The following ANO4 variants were observed in gnomAD, a reference collection of about 807,000 sequenced individuals.
ANO4 encodes anoctamin 4, also known as anoctamin-4.
ANO4 carries 69 observed loss-of-function variants against 141.9 expected under a neutral mutation model. The ratio of observed to expected loss-of-function variants is 0.49; its 90% confidence interval spans 0.40 to 0.59. ANO4 has a LOEUF of 0.59. ANO4 is among the 20% of genes least tolerant of loss of function. The pLI is 0.00. For missense variants in ANO4, 894 were observed against 1,162.2 expected, an observed-to-expected ratio of 0.77 and a Z score of 3.36; for synonymous variants, 350 against 394.3, an observed-to-expected ratio of 0.89 and a Z score of 1.33.
intron 1 of ANO4, among the ~76,000 whole-genome samples, chr12:100,807,464 A>G (rs1190068315): frequency 1.3e-5 from 2 of 152,118 alleles, no homozygotes; most frequent in Admixed American, 6.6e-5. Context: ...ATCTTCCTAC[A>G]TGTTTATTTT....
rs118189672 is a variant in ANO4, at chr12:100,912,257, T to C, written c.56-9969T>C. Among the ~76,000 whole-genome samples, 163 of 151,826 alleles carry C rather than the reference T, an allele frequency of 1.1e-3. 2 individuals are homozygous for C. In the East Asian group the frequency reaches 0.026, roughly 24 times the overall value. The stretch of plus-strand genomic sequence containing the variant: ...TAAAAATACATAAATTAACCAGACA[T>C]TGTAGTGCAGGCTTGTAATCCCAGC... On this transcript the variant is annotated intron_variant, in intron 2 of 27. Coordinates refer to ENST00000392977, the MANE Select transcript of ANO4 (RefSeq NM_001286615.2).
chr12:101,041,534 G>A (rs1213172216), intron 11 of ANO4, among the ~76,000 whole-genome samples: 1 of 152,158 alleles, frequency 6.6e-6, no homozygotes, highest in Non-Finnish European at 1.5e-5. Flanking sequence ...AGATTTTGCG[G>A]TTTTGGTTAG....
chr12:100,776,539 ATC>A (rs1354364515), intron 3 of ANO4, among the ~76,000 whole-genome samples: 1 of 152,192 alleles, frequency 6.6e-6, no homozygotes, highest in East Asian at 1.9e-4. Flanking sequence ...AATTGCTAGA[ATC>A]TGTTGAGATC....
chr12:100,977,974 T>C (rs1401903403), intron 7 of ANO4, among the ~76,000 whole-genome samples: 4 of 152,214 alleles, frequency 2.6e-5, no homozygotes, highest in Non-Finnish European at 1.5e-5. Context: ...GAAGATCCTT[T>C]CCTTTATTGT....
At chr12:101,064,695 T>TAAA (rs1555292347) in intron 14 of ANO4, among the ~76,000 whole-genome samples, 7 of 146,644 alleles carry the variant, frequency 4.8e-5, no homozygotes, top group Middle Eastern at 3.3e-3. Flanking sequence ...ATAATAATAA[T>TAAA]AAAAGATTAG....
At chr12:101,027,351 G>A (rs1347609038) in intron 9 of ANO4, among the ~76,000 whole-genome samples, 2 of 152,200 alleles carry the variant, frequency 1.3e-5, no homozygotes, top group Non-Finnish European at 2.9e-5. Context: ...CTCCTGCGGG[G>A]AGGGGTGACC....
chr12:101,042,229 T>C (rs2136626106), intron 11 of ANO4, 105 bp from the exon 12 acceptor site: 1 of 1,431,616 alleles, frequency 7.0e-7, no homozygotes, highest in Non-Finnish European at 9.5e-7. Flanking sequence ...TTGCTTGCAG[T>C]TTACCTCGTA....
At chr12:100,928,553 C>G (rs2041967752) in intron 3 of ANO4, among the ~76,000 whole-genome samples, 1 of 152,142 alleles carries the variant, frequency 6.6e-6, no homozygotes, top group African/African-American at 2.4e-5. Flanking sequence ...TCAGGTCTGT[C>G]TGAATCCAGA....
intron 1 of ANO4, among the ~76,000 whole-genome samples, chr12:100,795,303 G>A (rs1403509773): frequency 6.6e-6 from 1 of 152,194 alleles, no homozygotes; most frequent in African/African-American, 2.4e-5. Context: ...ATGTGTTCAC[G>A]ATGGTAAACT....
intron 9 of ANO4, among the ~76,000 whole-genome samples, chr12:101,021,966 A>G (rs898740435): frequency 6.6e-6 from 1 of 151,908 alleles, no homozygotes; most frequent in African/African-American, 2.4e-5. Context: ...ATGTTGCTCA[A>G]CATCATAAGA....
chr12:101,085,379 A>T (rs914749378), intron 16 of ANO4, among the ~76,000 whole-genome samples: 7 of 151,394 alleles, frequency 4.6e-5, no homozygotes, highest in East Asian at 1.9e-4. Flanking sequence ...AATTTTTTTT[A>T]AAAAAAGGTT....
chr12:101,100,601 C>T (rs2050152275), intron 22 of ANO4, among the ~76,000 whole-genome samples: 1 of 152,044 alleles, frequency 6.6e-6, no homozygotes, highest in Non-Finnish European at 1.5e-5. Flanking sequence ...GATTCTTCTC[C>T]CATAAAGAAG....
intron 21 of ANO4, among the ~76,000 whole-genome samples, chr12:101,099,220 T>A (rs2050098881): frequency 6.6e-6 from 1 of 152,282 alleles, no homozygotes; most frequent in East Asian, 1.9e-4. Flanking sequence ...TCAAGGGTCC[T>A]AAATCAAGCC....
At chr12:100,781,055 C>T (rs1196917453) in intron 3 of ANO4, among the ~76,000 whole-genome samples, 1 of 152,116 alleles carries the variant, frequency 6.6e-6, no homozygotes, top group African/African-American at 2.4e-5. Context: ...CTTAGATTCT[C>T]TTAAACATTC....
chr12:100,801,119 C>T (rs1397782681), intron 1 of ANO4, among the ~76,000 whole-genome samples: 1 of 151,774 alleles, frequency 6.6e-6, no homozygotes, highest in Non-Finnish European at 1.5e-5. Context: ...CTCTCTCTCT[C>T]TCTCTCAAAC....
chr12:100,999,248 A>G (rs1445956355), intron 8 of ANO4, among the ~76,000 whole-genome samples: 2 of 152,156 alleles, frequency 1.3e-5, no homozygotes, highest in African/African-American at 4.8e-5. Context: ...AGGAGAATCT[A>G]TTTCTTTGCC....
chr12:100,768,332 T>C (rs1051205754), intron 3 of ANO4, among the ~76,000 whole-genome samples: 4 of 152,184 alleles, frequency 2.6e-5, no homozygotes, highest in African/African-American at 9.7e-5. Flanking sequence ...AAACTGTCCT[T>C]CTTACTCTTT....
At chr12:100,718,274 A>G (rs553640850) in intron 1 of ANO4, among the ~76,000 whole-genome samples, 1 of 152,226 alleles carries the variant, frequency 6.6e-6, no homozygotes, top group Non-Finnish European at 1.5e-5. Context: ...CTTCTTATCA[A>G]CGTTCTTGCT....
intron 1 of ANO4, among the ~76,000 whole-genome samples, chr12:100,828,381 T>C (rs772462351): frequency 3.3e-5 from 5 of 152,066 alleles, no homozygotes; most frequent in African/African-American, 4.8e-5. Flanking sequence ...GTCAAGGCCC[T>C]GGGTCTCTGC....
Sources: gnomAD v4.1 joint callset for allele counts (sites outside exome capture counted in the v4.1 genomes callset) on GRCh38, gnomAD v4.1.1 for gene constraint, MANE v1.5 for transcripts, NCBI Gene and HGNC (gene_info 2026-07-23, HGNC 2026-07-21) for gene names.